UBR1: variants seen among roughly 807,000 people sequenced by gnomAD.
UBR1 encodes E3 ubiquitin-protein ligase UBR1.
In UBR1, 102 loss-of-function variants were observed where a neutral mutation model predicts 242.1. The ratio of observed to expected loss-of-function variants is 0.42; its 90% CI spans 0.36 to 0.50. UBR1 has a LOEUF of 0.50. Ranked by LOEUF, UBR1 falls within the 20% of genes least tolerant of loss-of-function variation. The pLI is 0.01. For missense variants in UBR1, 1,772 were observed against 2,101.8 expected (o/e 0.84, Z 3.07); for synonymous variants, 675 against 684.8 (o/e 0.99, Z 0.22).
intron 21 of UBR1, among the ~76,000 whole-genome samples, chr15:43,028,123 T>C (rs573368450): frequency 1.3e-5 from 2 of 152,294 alleles, no homozygotes; most frequent in African/African-American, 2.4e-5. Context: ...GTATTACCAA[T>C]ACTTCAAAGA....
At chr15:43,022,593 G>T in intron 26 of UBR1, 109 bp downstream of exon 26, 1 of 734,548 alleles carries the variant, frequency 1.4e-6, no homozygotes, top group Non-Finnish European at 2.2e-6. Context: ...TTTAAGGACT[G>T]ACAGATTAAA....
chr15:43,058,950 T>C, intron 9 of UBR1, 135 bp downstream of exon 9: 1 of 762,758 alleles, frequency 1.3e-6, no homozygotes. Context: ...AACTTTATAT[T>C]CACATGTAGT....
chr15:43,031,778 T>C (rs2033260396), intron 20 of UBR1, among the ~76,000 whole-genome samples: 1 of 152,134 alleles, frequency 6.6e-6, no homozygotes. Flanking sequence ...ATCCCAGCAC[T>C]TTGGGAGGCC....
At chr15:43,082,324 C>A (rs1357740928) in intron 3 of UBR1, among the ~76,000 whole-genome samples, 4 of 152,068 alleles carry the variant, frequency 2.6e-5, no homozygotes, top group Non-Finnish European at 5.9e-5. Context: ...GGTCATATTA[C>A]ACACTGTAGA....
intron 1 of UBR1, among the ~76,000 whole-genome samples, chr15:43,096,461 C>A (rs1315741372): frequency 6.6e-6 from 1 of 152,152 alleles, no homozygotes; most frequent in East Asian, 1.9e-4. Flanking sequence ...CGCGCCCGGC[C>A]AGGCAATTTC....
At chr15:42,977,010 T>G (rs1483228158) in intron 38 of UBR1, 143 bp from the exon 39 acceptor site, 1 of 926,638 alleles carries the variant, frequency 1.1e-6, no homozygotes, top group Non-Finnish European at 1.7e-6. Context: ...TTCTTATTTA[T>G]TCAATAGAAT....
intron 29 of UBR1, among the ~76,000 whole-genome samples, chr15:43,011,315 C>A (rs919821970): frequency 6.6e-6 from 1 of 152,146 alleles, no homozygotes; most frequent in Non-Finnish European, 1.5e-5. Context: ...TTTATCAACA[C>A]TGCACACTTC....
chr15:43,064,025 T>C (rs1411376073), intron 6 of UBR1, among the ~76,000 whole-genome samples: 1 of 152,242 alleles, frequency 6.6e-6, no homozygotes, highest in Non-Finnish European at 1.5e-5. Flanking sequence ...CGTGGGCCAC[T>C]GTGCCCAGCA....
chr15:42,989,395 T>C (rs2032522433), intron 34 of UBR1, among the ~76,000 whole-genome samples: 1 of 152,206 alleles, frequency 6.6e-6, no homozygotes, highest in South Asian at 2.1e-4. Context: ...TGTGTTTGTG[T>C]TGTGTGTATG....
chr15:42,960,451 G>A (rs1365991220), intron 43 of UBR1, among the ~76,000 whole-genome samples, 194 bp downstream of exon 43: 2 of 152,086 alleles, frequency 1.3e-5, no homozygotes, highest in Non-Finnish European at 2.9e-5. Context: ...TAATCTAAGA[G>A]GAAAAGGACA....
intron 1 of UBR1, among the ~76,000 whole-genome samples, chr15:43,095,707 A>G (rs1055003290): frequency 2.0e-5 from 3 of 152,234 alleles, no homozygotes; most frequent in Non-Finnish European, 4.4e-5. Context: ...GTGTTAGGTC[A>G]TCTGAGGCAA....
chr15:42,967,049 A>G (rs1342681936), intron 40 of UBR1, among the ~76,000 whole-genome samples: 1 of 151,676 alleles, frequency 6.6e-6, no homozygotes, highest in African/African-American at 2.4e-5. Context: ...CCTCCCGAGT[A>G]TCTGGGACTA....
intron 6 of UBR1, among the ~76,000 whole-genome samples, chr15:43,062,959 T>C (rs1567140823): frequency 6.6e-6 from 1 of 152,172 alleles, no homozygotes; most frequent in South Asian, 2.1e-4. Flanking sequence ...CCTCATACTA[T>C]AGCTGAAAAC....
chr15:43,075,595 C>G (rs921562687), intron 3 of UBR1, among the ~76,000 whole-genome samples: 13 of 152,018 alleles, frequency 8.6e-5, no homozygotes, highest in East Asian at 7.7e-4. Context: ...CCCACTCCCC[C>G]CTAGAATTTT....
At chr15:43,061,041 A>T (rs2033677982) in intron 6 of UBR1, among the ~76,000 whole-genome samples, 1 of 152,188 alleles carries the variant, frequency 6.6e-6, no homozygotes, top group East Asian at 1.9e-4. Context: ...ATCAGCTTGT[A>T]TGTATGTGAT....
chr15:43,033,457 A>G (rs1321472522), intron 19 of UBR1, among the ~76,000 whole-genome samples: 1 of 152,090 alleles, frequency 6.6e-6, no homozygotes, highest in Non-Finnish European at 1.5e-5. Flanking sequence ...CAGCCTGACC[A>G]ACATCGTGAA....
At chr15:43,044,728 T>C (rs2033462365) in intron 14 of UBR1, among the ~76,000 whole-genome samples, 1 of 151,908 alleles carries the variant, frequency 6.6e-6, no homozygotes, top group African/African-American at 2.4e-5. Context: ...CCGTCTCTAC[T>C]AAAAAATACA....
chr15:43,094,602 A>G (rs1006682588), intron 1 of UBR1, among the ~76,000 whole-genome samples: 1 of 151,854 alleles, frequency 6.6e-6, no homozygotes, highest in Non-Finnish European at 1.5e-5. Context: ...GCTACATCAC[A>G]TGACTTGGTT....
chr15:43,069,929 T>C (rs1382787884), intron 5 of UBR1, among the ~76,000 whole-genome samples: 1 of 152,218 alleles, frequency 6.6e-6, no homozygotes, highest in African/African-American at 2.4e-5. Flanking sequence ...CAGTTTGTCA[T>C]GACATTTATT....
Sources: gnomAD v4.1 joint callset for allele counts (sites outside exome capture counted in the v4.1 genomes callset) on GRCh38, gnomAD v4.1.1 for gene constraint, MANE v1.5 for transcripts, NCBI Gene and HGNC (gene_info 2026-07-23, HGNC 2026-07-21) for gene names.